The following CACNA2D3 variants were observed in gnomAD, a reference collection of about 807,000 sequenced individuals.
The protein encoded by CACNA2D3 is voltage-dependent calcium channel subunit alpha-2/delta-3.
In CACNA2D3, 60 loss-of-function variants were observed where a neutral mutation model predicts 160.6. That is an observed-to-expected ratio of 0.37 (90% CI 0.30 to 0.46). The LOEUF (loss-of-function observed/expected upper bound fraction) is 0.46. Ranked by LOEUF, CACNA2D3 falls within the 20% of genes least tolerant of loss-of-function variation. The probability of loss-of-function intolerance (pLI) is 1.00; values close to 1 mark genes in which losing one functional copy is unlikely to be tolerated. For synonymous variants in CACNA2D3, 558 were observed against 492.9 expected (o/e 1.13, Z -1.75); for missense variants, 1,205 against 1,365.0 (o/e 0.88, Z 1.85).
At chr3:54,590,814 AT>A (rs1702844693) in intron 9 of CACNA2D3, among the ~76,000 whole-genome samples, 1 of 152,308 alleles carries the variant, frequency 6.6e-6, no homozygotes, top group East Asian at 1.9e-4. Context: ...TAATTAAAAA[AT>A]AATCTGCAGT....
intron 2 of CACNA2D3, among the ~76,000 whole-genome samples, chr3:54,306,206 A>G (rs920602759): frequency 5.3e-5 from 8 of 152,186 alleles, no homozygotes; most frequent in Non-Finnish European, 1.0e-4. Flanking sequence ...TCCCCATTAA[A>G]GGCACATTAC....
chr3:55,055,786 C>CT (rs1704345895), intron 35 of CACNA2D3, among the ~76,000 whole-genome samples: 1 of 151,970 alleles, frequency 6.6e-6, no homozygotes, highest in African/African-American at 2.4e-5. Flanking sequence ...TACTCCTAAG[C>CT]TTTTTTTGTG....
At chr3:54,726,479 G>C (rs1176189670) in intron 11 of CACNA2D3, among the ~76,000 whole-genome samples, 1 of 152,150 alleles carries the variant, frequency 6.6e-6, no homozygotes, top group African/African-American at 2.4e-5. Flanking sequence ...GAAGAGCAAG[G>C]CTGGAGGCAT....
chr3:54,204,273 A>G (rs1701230442), intron 2 of CACNA2D3, among the ~76,000 whole-genome samples: 1 of 152,088 alleles, frequency 6.6e-6, no homozygotes. Context: ...AAATCTCCAT[A>G]TATATATACA....
intron 14 of CACNA2D3, among the ~76,000 whole-genome samples, chr3:54,826,688 T>G (rs1330988174): frequency 6.6e-6 from 1 of 152,166 alleles, no homozygotes; most frequent in Non-Finnish European, 1.5e-5. Flanking sequence ...CCAGTGTGCA[T>G]CCTTCCTAAT....
intron 11 of CACNA2D3, among the ~76,000 whole-genome samples, chr3:54,669,773 T>C (rs1354205802): frequency 6.6e-6 from 1 of 152,100 alleles, no homozygotes; most frequent in African/African-American, 2.4e-5. Flanking sequence ...TTTTAAATTT[T>C]AATCTATTTA....
At chr3:54,932,471 C>A (rs1701213171) in intron 27 of CACNA2D3, among the ~76,000 whole-genome samples, 2 of 152,138 alleles carry the variant, frequency 1.3e-5, no homozygotes, top group African/African-American at 4.8e-5. Context: ...TCTGCTTATA[C>A]TTCTGTATAT....
At chr3:54,773,466 A>C (rs1702357255) in intron 13 of CACNA2D3, among the ~76,000 whole-genome samples, 1 of 152,260 alleles carries the variant, frequency 6.6e-6, no homozygotes, top group Non-Finnish European at 1.5e-5. Flanking sequence ...CATCTGCATT[A>C]CATGGCAAGG....
chr3:55,070,058 ATACT>A (rs1372348890), intron 35 of CACNA2D3, among the ~76,000 whole-genome samples: 1 of 152,206 alleles, frequency 6.6e-6, no homozygotes, highest in East Asian at 1.9e-4. Flanking sequence ...GACTCAACAA[ATACT>A]TACTGAGAAG....
intron 2 of CACNA2D3, among the ~76,000 whole-genome samples, chr3:54,288,790 TC>T (rs1703104586): frequency 6.6e-6 from 1 of 152,102 alleles, no homozygotes; most frequent in African/African-American, 2.4e-5. Flanking sequence ...ATAAATGTAA[TC>T]CAGCATATAA....
intron 17 of CACNA2D3, among the ~76,000 whole-genome samples, chr3:54,860,009 C>CACACACACAA (rs1699256539): frequency 1.3e-5 from 2 of 151,584 alleles, no homozygotes; most frequent in African/African-American, 4.9e-5. Context: ...CACACACACA[C>CACACACACAA]ACACAAACAC....
At chr3:54,546,698 G>GCA (rs776168504) in intron 5 of CACNA2D3, among the ~76,000 whole-genome samples, 4 of 151,294 alleles carry the variant, frequency 2.6e-5, no homozygotes, top group East Asian at 1.9e-4. Flanking sequence ...ATCAACACAT[G>GCA]CACACACACA....
chr3:54,665,669 A>G (rs1278716170), intron 11 of CACNA2D3, among the ~76,000 whole-genome samples: 1 of 152,128 alleles, frequency 6.6e-6, no homozygotes, highest in East Asian at 1.9e-4. Context: ...GGAAGAGACT[A>G]CTGACAGGGG....
intron 2 of CACNA2D3, among the ~76,000 whole-genome samples, chr3:54,273,984 C>T (rs951666554): frequency 6.6e-6 from 1 of 151,788 alleles, no homozygotes; most frequent in Non-Finnish European, 1.5e-5. Context: ...GTGTGTAGGT[C>T]CTGTGAGATG....
intron 14 of CACNA2D3, among the ~76,000 whole-genome samples, chr3:54,823,963 A>G (rs150258070): frequency 0.012 from 1,763 of 152,342 alleles, 39 homozygotes; most frequent in African/African-American, 0.04. Flanking sequence ...TCATAAATAC[A>G]CTAAATGAAA....
chr3:55,015,463 T>A (rs1703308728), intron 34 of CACNA2D3, among the ~76,000 whole-genome samples: 1 of 152,366 alleles, frequency 6.6e-6, no homozygotes, highest in Non-Finnish European at 1.5e-5. Context: ...CGCAGCAATT[T>A]CTTCATAAAT....
intron 35 of CACNA2D3, among the ~76,000 whole-genome samples, chr3:55,072,523 T>G (rs1244543066): frequency 2.0e-5 from 3 of 152,220 alleles, no homozygotes; most frequent in Non-Finnish European, 2.9e-5. Flanking sequence ...AGATAAAACT[T>G]TGGAGAAACT....
intron 27 of CACNA2D3, among the ~76,000 whole-genome samples, chr3:54,928,350 A>G (rs1417340240): frequency 6.6e-6 from 1 of 152,162 alleles, no homozygotes; most frequent in African/African-American, 2.4e-5. Context: ...TGCCTTCTTA[A>G]TCCGGCTGTG....
At chr3:55,011,330 G>T (rs749328667) in intron 34 of CACNA2D3, among the ~76,000 whole-genome samples, 3 of 152,176 alleles carry the variant, frequency 2.0e-5, no homozygotes, top group Non-Finnish European at 4.4e-5. Context: ...TCCCTGCTGG[G>T]TTGAGTTCTG....
Sources: allele counts gnomAD v4.1 joint callset (sites outside exome capture counted in the v4.1 genomes callset), GRCh38; gene constraint gnomAD v4.1.1; transcripts MANE v1.5; gene names NCBI Gene and HGNC (gene_info 2026-07-23, HGNC 2026-07-21).